ANXA8: variants seen among roughly 807,000 people sequenced by gnomAD.
ANXA8 encodes VAC-beta.
ANXA8 carries 9 observed loss-of-function variants against 26.8 expected under a neutral mutation model. That is an observed-to-expected ratio of 0.34 (90% confidence interval 0.20 to 0.59). The LOEUF (loss-of-function observed/expected upper bound fraction) is 0.59, where lower values mean the gene tolerates loss of function less well. Ranked by LOEUF, ANXA8 falls within the 20% of genes least tolerant of loss-of-function variation. The pLI is 0.84. For synonymous variants in ANXA8, 39 were observed against 94.8 expected, an observed-to-expected ratio of 0.41 and a Z score of 3.42; for missense variants, 83 against 238.5, an observed-to-expected ratio of 0.35 and a Z score of 4.29.
the ANXA8 span, chr10:47,564,982 A>G: frequency 4.5e-5 from 50 of 1,111,742 alleles, no homozygotes; most frequent in Non-Finnish European, 6.8e-5. Flanking sequence ...CCAGCTGCCA[A>G]GTCATCGTCC....
chr10:47,940,500 G>C, the ANXA8 span, among the ~76,000 whole-genome samples: 1 of 145,974 alleles, frequency 6.9e-6, no homozygotes. Flanking sequence ...TAGACTTTAG[G>C]GCCTAGGGGA....
the ANXA8 span, chr10:47,706,188 G>A: frequency 1.8e-6 from 1 of 569,348 alleles, no homozygotes; most frequent in African/African-American, 2.0e-5. Flanking sequence ...GGCCGGGGCT[G>A]AGGAGGCCGC....
the ANXA8 span, among the ~76,000 whole-genome samples, chr10:47,674,298 A>T: frequency 5.4e-5 from 8 of 146,822 alleles, no homozygotes; most frequent in South Asian, 4.3e-4. Context: ...CACCTGGCTA[A>T]TTTTTTTTTT....
the ANXA8 span, among the ~76,000 whole-genome samples, chr10:47,652,088 C>T: frequency 7.3e-5 from 11 of 151,560 alleles, no homozygotes; most frequent in East Asian, 1.9e-3. Context: ...ATGTTTAGAA[C>T]AGGAAATCCA....
chr10:47,598,419 TTAAAC>T, the ANXA8 span, among the ~76,000 whole-genome samples: 78 of 98,148 alleles, frequency 7.9e-4, no homozygotes, highest in East Asian at 0.02. Context: ...TGAGACCAAA[TTAAAC>T]TAAAGAGCTT....
At chr10:47,484,461 G>A (rs1839986057), upstream of ANXA8, 9 of 1,106,886 alleles carry the variant, frequency 8.1e-6, no homozygotes, top group Non-Finnish European at 1.0e-5. Flanking sequence ...TTTTTCCGGG[G>A]GCAAGGGGCT....
At chr10:47,637,595 A>G in the ANXA8 span, among the ~76,000 whole-genome samples, 1 of 125,180 alleles carries the variant, frequency 8.0e-6, no homozygotes, top group Admixed American at 8.2e-5. Context: ...TATTCTCTTT[A>G]CGCTTTTCAC....
the ANXA8 span, among the ~76,000 whole-genome samples, chr10:47,671,824 G>GA: frequency 7.3e-5 from 11 of 151,498 alleles, no homozygotes; most frequent in African/African-American, 2.7e-4. Flanking sequence ...TCTAGCAATG[G>GA]AAAAAAATAA....
the ANXA8 span, among the ~76,000 whole-genome samples, chr10:47,776,836 C>G: frequency 1.3e-5 from 2 of 151,752 alleles, no homozygotes; most frequent in African/African-American, 2.4e-5. Flanking sequence ...TTCTCCCTCA[C>G]CTGCCTGCAG....
chr10:47,677,286 T>C, the ANXA8 span, among the ~76,000 whole-genome samples: 1 of 152,054 alleles, frequency 6.6e-6, no homozygotes, highest in African/African-American at 2.4e-5. Context: ...GCATATGTAA[T>C]CTCTAGAACA....
chr10:47,989,399 G>A, the ANXA8 span, among the ~76,000 whole-genome samples: 75 of 120,676 alleles, frequency 6.2e-4, 2 homozygotes, highest in Non-Finnish European at 2.6e-4. Flanking sequence ...ATGCAGTCCC[G>A]CAGGGGTGCG....
the ANXA8 span, among the ~76,000 whole-genome samples, chr10:47,704,982 T>C: frequency 1.3e-5 from 2 of 152,096 alleles, no homozygotes; most frequent in Non-Finnish European, 2.9e-5. Flanking sequence ...CCTCGTAAGA[T>C]TTCAAGGGCG....
At chr10:47,506,726 G>A in the ANXA8 span, among the ~76,000 whole-genome samples, 17 of 144,210 alleles carry the variant, frequency 1.2e-4, no homozygotes, top group East Asian at 2.8e-4. Flanking sequence ...TGCAACCTCC[G>A]CCTCCCAAGT....
At chr10:47,553,875 G>A in the ANXA8 span, among the ~76,000 whole-genome samples, 1 of 149,524 alleles carries the variant, frequency 6.7e-6, no homozygotes, top group South Asian at 2.1e-4. Flanking sequence ...CCGCCCCGGA[G>A]TCACCGTGCC....
chr10:47,631,845 T>C, the ANXA8 span, among the ~76,000 whole-genome samples: 2 of 151,480 alleles, frequency 1.3e-5, no homozygotes, highest in Non-Finnish European at 2.9e-5. Context: ...TCATCCTTAT[T>C]TGATAATTTT....
chr10:47,559,606 G>T, the ANXA8 span, among the ~76,000 whole-genome samples: 1 of 151,872 alleles, frequency 6.6e-6, no homozygotes, highest in Non-Finnish European at 1.5e-5. Context: ...TTGCCGCAGA[G>T]TATTTTATTA....
At chr10:47,590,943 T>C in the ANXA8 span, among the ~76,000 whole-genome samples, 1 of 135,238 alleles carries the variant, frequency 7.4e-6, no homozygotes, top group African/African-American at 3.5e-5. Flanking sequence ...AATGGAGGAA[T>C]GTGCCAGTAT....
chr10:47,567,573 TC>T, the ANXA8 span, among the ~76,000 whole-genome samples: 6 of 151,840 alleles, frequency 4.0e-5, no homozygotes, highest in Admixed American at 2.0e-4. Flanking sequence ...AGCCCTGTGT[TC>T]CTGTCATCCC....
At chr10:47,949,473 CACTT>C in the ANXA8 span, among the ~76,000 whole-genome samples, 2,651 of 148,920 alleles carry the variant, frequency 0.018, 46 homozygotes, top group African/African-American at 0.064. Flanking sequence ...GGATGAAAAA[CACTT>C]AATGGTAAGT....
Sources: allele counts gnomAD v4.1 joint callset (sites outside exome capture counted in the v4.1 genomes callset), GRCh38; gene constraint gnomAD v4.1.1; transcripts MANE v1.5; gene names NCBI Gene and HGNC (gene_info 2026-07-23, HGNC 2026-07-21).